Variants in ELK1 observed in about 807,000 individuals in gnomAD.
The protein encoded by ELK1 is ETS domain-containing protein Elk-1.
For missense variants in ELK1, 254 were observed against 381.5 expected (o/e 0.67, Z 2.78); for synonymous variants, 163 against 176.3 (o/e 0.92, Z 0.60).
chrX:47,643,282 T>C lies in ELK1; in HGVS notation c.-34-1807A>G, dbSNP rs779527905. On this transcript the variant is annotated intron_variant, in intron 2 of 6. Transcript: ENST00000376983. The stretch of plus-strand genomic sequence containing the variant: ...CATGTGTAAAACAGGGATAATGATA[T>C]GCCCATTAGTAAAATGGGGATAACA... 2.7e-5 allele frequency among the ~76,000 whole-genome samples: 3 copies of C among 112,063 alleles called. No individual in the cohort carries two copies. In the South Asian group the frequency reaches 1.1e-3, roughly 42 times the overall value.
chrX:47,646,832 G>A (rs1252042888), intron 2 of ELK1, among the ~76,000 whole-genome samples: 2 of 111,802 alleles, frequency 1.8e-5, no homozygotes, highest in African/African-American at 6.5e-5. Flanking sequence ...CATCACCTGT[G>A]TGACCTCACC....
Position 47,638,955 on chromosome X carries a change from G to A in ELK1, c.594C>T (p.Ser198=), listed in dbSNP as rs756896173. The stretch of plus-strand genomic sequence containing the variant: ...AGGCCTCCAAGGGGCTTGGACTGGT[G>A]CTCCTGCTCCCCGAGGGGGGCGCTG... The part of the protein sequence containing the change: ...GAAAPPSGSR[S]TSPSPLEACL... Residue 198 remains serine, a synonymous_variant, in exon 4 of 7, where the codon AGC becomes AGT. Coordinates refer to ENST00000376983, the MANE Select transcript of ELK1 (RefSeq NM_001114123.3). The A allele has an allele frequency of 2.7e-5, 32 of 1,201,133 alleles. No individual in the cohort carries two copies. The South Asian group carries it at 5.3e-4, about 20-fold the overall frequency.
chrX:47,637,662 A>G, intron 5 of ELK1, 89 bp downstream of exon 5: 1 of 1,039,897 alleles, frequency 9.6e-7, no homozygotes, highest in Non-Finnish European at 1.3e-6. Flanking sequence ...AACCACACTC[A>G]CCCTCCTCTG....
chrX:47,644,093 C>A (rs754152840), intron 2 of ELK1, among the ~76,000 whole-genome samples: 1 of 112,131 alleles, frequency 8.9e-6, no homozygotes, highest in East Asian at 2.8e-4. Context: ...AGAGACCTCA[C>A]TGAATTTGTT....
Position 47,637,760 on chromosome X carries a change from C to T in ELK1, c.1077G>A (p.Thr359=), listed in dbSNP as rs780006644. The change falls in exon 5 of 7, where the codon ACG becomes ACA. Residue 359 remains threonine (T), a synonymous_variant. Transcript: ENST00000376983. The stretch of plus-strand genomic sequence containing the variant: ...CTCCGCAGGCACTCACCAATGTATG[C>T]GTAGGAAGCAGGGATGGGGTCAGCG... ...GPALTPSLLP[T]HTLTPVLLTP... The T allele has an allele frequency of 3.4e-6, 4 of 1,191,536 alleles. No homozygotes were observed. The highest frequency in any genetic ancestry group is 3.0e-5 in the East Asian group (1 of 33,141).
At chrX:47,649,194 A>G (rs1050302388) in intron 2 of ELK1, 8 of 111,215 alleles carry the variant, frequency 7.2e-5, no homozygotes, top group Non-Finnish European at 1.5e-4. Context: ...AATAAACGCT[A>G]GCTCCTATTG....
chrX:47,638,072 T>C lies in ELK1; in HGVS notation c.765A>G (p.Glu255=). ...PPEVKVEGPK[E]ELEVAGERGF... ...CTCTCTCCCCCGCAACTTCCAACTC[T>C]TCCTTGGGCCCTTCTACTTTCACTT... is the stretch of plus-strand genomic sequence containing the variant. Residue 255 remains glutamate, a synonymous_variant, in exon 5 of 7, where the codon GAA becomes GAG. Coordinates refer to ENST00000376983, the MANE Select transcript of ELK1 (RefSeq NM_001114123.3). 1.7e-6 allele frequency: 2 copies of C among 1,211,401 alleles called. No individual in the cohort carries two copies. Among genetic ancestry groups the C allele is most frequent in the Non-Finnish European group, 2.2e-6 (2 of 895,410 alleles).
rs952906295 is a variant in ELK1 at position 47,637,807 on chromosome X, C to A, written c.1030G>T (p.Gly344Cys). ...ERTPGSGSGS[G>C]LQAPGPALTP... The stretch of plus-strand genomic sequence containing the variant: ...AGCGCCGGCCCCGGAGCCTGGAGGC[C>A]GGAGCCACTTCCCGATCCTGGGGTC... The change falls in exon 5 of 7, where the codon GGC becomes TGC. Residue 344 changes from glycine to cysteine, a missense_variant. Physicochemically the swap from Gly to Cys is radical, Grantham distance 159. Transcript: ENST00000376983. The A allele has an allele frequency of 1.7e-6, 2 of 1,194,861 alleles. No individual in the cohort carries two copies. Among genetic ancestry groups the A allele is most frequent in the Admixed American group, 2.3e-5 (1 of 44,276 alleles).
In ELK1 at chrX:47,637,826, T is replaced by C. The variant is rs1314739262; in HGVS notation, c.1011A>G (p.Pro337=). 2 of 1,193,699 alleles carry C rather than the reference T, an allele frequency of 1.7e-6. No homozygotes were observed. Among genetic ancestry groups the C allele is most frequent in the Admixed American group, 2.3e-5 (1 of 43,923 alleles). ...LLGGPGPERT[P]GSGSGSGLQA... ...GGAGGCCGGAGCCACTTCCCGATCCTGGGGTCCGTTCGGGTCCCGGCCCAC... is the reference window on the plus strand; with the variant it reads ...GGAGGCCGGAGCCACTTCCCGATCCCGGGGTCCGTTCGGGTCCCGGCCCAC... The change falls in exon 5 of 7, where the codon CCA becomes CCG. Residue 337 remains proline (P), a synonymous_variant. Transcript: ENST00000376983.
In ELK1 at chrX:47,638,011, C is replaced by T; in HGVS notation, c.826G>A (p.Val276Ile). The T allele has an allele frequency of 8.3e-7, 1 of 1,211,228 alleles. No homozygotes were observed. The highest frequency in any genetic ancestry group is 1.1e-6 in the Non-Finnish European group (1 of 895,346). Residue 276 changes from valine (V) to isoleucine (I), a missense_variant, in exon 5 of 7, where the codon GTC (valine) becomes ATC (isoleucine). Physicochemically the swap from Val to Ile is conservative, Grantham distance 29. Transcript: ENST00000376983. ...GCTGGCACGCCCTCCTGTGGAGGGA[C>T]TTCTGGCTCGGCCTTGGTGGTTTCT... is the stretch of plus-strand genomic sequence containing the variant. ...VPETTKAEPEVPPQEGVPARL... is the reference protein window; with the variant it reads ...VPETTKAEPEIPPQEGVPARL...
In ELK1 at chrX:47,639,188, C is replaced by T. The variant is rs769505956; in HGVS notation, c.361G>A (p.Ala121Thr). 3.3e-5 allele frequency: 40 copies of T among 1,208,087 alleles called. No individual in the cohort carries two copies. In the South Asian group the frequency reaches 3.7e-4, roughly 11 times the overall value. ...CCAGAGACAGTGTCCCCTGGGGCGG[C>T]ATGTATAGCAGCAGGGGCCACATTT... ...MPNVAPAAIH[A>T]APGDTVSGKP... The change falls in exon 4 of 7, where the codon GCC becomes ACC. Residue 121 changes from alanine to threonine, a missense_variant. Ala to Thr is a moderately conservative substitution (Grantham distance 58). Transcript: ENST00000376983.
In ELK1 at chrX:47,635,524, C is replaced by T. The variant is rs978388361; in HGVS notation, c.*1305G>A. The T allele has an allele frequency of 1.8e-5, 2 of 111,962 alleles. No homozygotes were observed. Among genetic ancestry groups the T allele is most frequent in the Non-Finnish European group, 3.8e-5 (2 of 53,146 alleles). 9.2% of individuals were successfully genotyped at this position (111,962 alleles called of 1,213,427 possible). A position where few individuals can be genotyped will look rare whatever the true frequency, so the allele number is the denominator to read the frequency against. On this transcript the variant is annotated 3_prime_UTR_variant, in exon 7 of 7. Transcript: ENST00000376983. ...AAAGTGCCAGCAGCCTCCAGCATCA[C>T]TTTGAAAAATATATATTTACAGGAA...
chrX:47,636,650 G>T lies in ELK1; in HGVS notation c.*179C>A. On this transcript the variant is annotated 3_prime_UTR_variant, in exon 7 of 7. Transcript: ENST00000376983. ...AACAGAGAAGTTGTGGAAGCTGTGT[G>T]TTTTCTGTGGAGGAGATAATGAGAG... The T allele has an allele frequency of 2.3e-6, 1 of 441,825 alleles. No individual in the cohort carries two copies. Among genetic ancestry groups the T allele is most frequent in the Non-Finnish European group, 3.7e-6 (1 of 267,281 alleles). The allele number at this position is 441,825 out of a possible 1,213,427, so 36.4% of individuals were successfully genotyped here.
In ELK1 at chrX:47,639,108, G is replaced by A. The variant is rs149968635; in HGVS notation, c.441C>T (p.Arg147=). Residue 147 remains arginine (R), a synonymous_variant, in exon 4 of 7, where the codon CGC becomes CGT. Coordinates refer to ENST00000376983, the MANE Select transcript of ELK1 (RefSeq NM_001114123.3). ...AGMAGPGGLA[R]SSRNEYMRSG... ...AGCGCATGTACTCGTTCCGGCTGCT[G>A]CGTGCCAAACCGCCTGGGCCTGCCA... 2.5e-6 allele frequency: 3 copies of A among 1,201,081 alleles called. No individual in the cohort carries two copies. The African/African-American group carries it at 5.2e-5, about 21-fold the overall frequency.
At chrX:47,648,844 C>T (rs1310496712) in intron 2 of ELK1, 1 of 109,427 alleles carries the variant, frequency 9.1e-6, no homozygotes, top group Non-Finnish European at 1.9e-5. Context: ...AATCACTCAT[C>T]TAAGGTCACA....
intron 2 of ELK1, 88 bp downstream of exon 2, chrX:47,649,833 T>TGG (rs375216686): frequency 7.1e-4 from 17 of 24,034 alleles, no homozygotes; most frequent in African/African-American, 1.1e-3. Flanking sequence ...GTGGTGGTGG[T>TGG]GGGGGGGGGG....
At chrX:47,649,551 G>C (rs1294080385) in intron 2 of ELK1, among the ~76,000 whole-genome samples, 1 of 110,395 alleles carries the variant, frequency 9.1e-6, no homozygotes, top group South Asian at 3.9e-4. Context: ...TCGTCTGAGG[G>C]GAAGGGGAGC....
rs2058015129 is a variant in ELK1 at position 47,637,963 on chromosome X, C to G, written c.874G>C (p.Asp292His). 21 of 1,204,890 alleles carry G rather than the reference C, an allele frequency of 1.7e-5. No individual in the cohort carries two copies. Among genetic ancestry groups the G allele is most frequent in the Non-Finnish European group, 2.4e-5 (21 of 892,480 alleles). The change falls in exon 5 of 7, where the codon GAC (aspartate) becomes CAC (histidine). Residue 292 changes from aspartate (D) to histidine (H), a missense_variant. Physicochemically the swap from Asp to His is moderately conservative, Grantham distance 81. Coordinates refer to ENST00000376983, the MANE Select transcript of ELK1 (RefSeq NM_001114123.3). Reference sequence around the variant, plus strand: ...TGGCCGCCCGCCTGCCCTGCGGTGTCCATAACAACCGCGGGCAGCCGGGCT... The same window carrying G: ...TGGCCGCCCGCCTGCCCTGCGGTGTGCATAACAACCGCGGGCAGCCGGGCT... ...VPARLPAVVMDTAGQAGGHAA... is the reference protein window; with the variant it reads ...VPARLPAVVMHTAGQAGGHAA...
Position 47,646,307 on chromosome X carries a change from C to T in ELK1, c.-35+3614G>A, listed in dbSNP as rs750769993. Among the ~76,000 whole-genome samples the T allele has an allele frequency of 7.2e-5, 8 of 111,748 alleles. No homozygotes were observed. The South Asian group carries it at 2.3e-3, about 31-fold the overall frequency. ...TGCCTTTAGGAGAGTGTATTATGCA[C>T]ACCACAGTGGTTATTTTTTGGGTTT... is the stretch of plus-strand genomic sequence containing the variant. On this transcript the variant is annotated intron_variant, in intron 2 of 6. Transcript: ENST00000376983.
Sources: allele counts gnomAD v4.1 joint callset (sites outside exome capture counted in the v4.1 genomes callset), GRCh38; gene constraint gnomAD v4.1.1; transcripts MANE v1.5; gene names NCBI Gene and HGNC (gene_info 2026-07-23, HGNC 2026-07-21).